SPCS2: variants seen among roughly 807,000 people sequenced by gnomAD.
The protein encoded by SPCS2 is signal peptidase complex subunit 2, also known as SPase 25 kDa subunit.
Under a neutral mutation model 22.3 loss-of-function variants are expected in SPCS2, and 3 were observed. That is an observed-to-expected ratio of 0.13 (90% confidence interval 0.06 to 0.35). The LOEUF (loss-of-function observed/expected upper bound fraction) is 0.35, where lower values mean the gene tolerates loss of function less well. Ranked by LOEUF, SPCS2 falls within the 10% of genes least tolerant of loss-of-function variation. SPCS2 has a pLI of 1.00. For missense variants in SPCS2, 169 were observed against 280.9 expected (o/e 0.60, Z 2.85); for synonymous variants, 67 against 97.2 (o/e 0.69, Z 1.83).
intron 3 of SPCS2, among the ~76,000 whole-genome samples, chr11:74,969,080 A>G (rs1183229810): frequency 6.6e-6 from 1 of 152,218 alleles, no homozygotes; most frequent in African/African-American, 2.4e-5. Flanking sequence ...ACAATATAAT[A>G]ATAAGTCTAT....
intron 1 of SPCS2, among the ~76,000 whole-genome samples, chr11:74,949,930 C>G (rs547548461): frequency 6.6e-6 from 1 of 152,240 alleles, no homozygotes; most frequent in South Asian, 2.1e-4. Context: ...TGACAAGAAG[C>G]CTTTAAGATT....
At position 74,977,023 on chromosome 11, in the gene SPCS2, A is replaced by G; in HGVS notation, c.661A>G (p.Ile221Val). The change falls in exon 5 of 5, where the codon ATA becomes GTA. Residue 221 changes from isoleucine (I) to valine (V), a missense_variant. Physicochemically the swap from Ile to Val is conservative, Grantham distance 29. Transcript: ENST00000263672. ...EISRLHDSLAIERKIK is the reference protein window; with the variant it reads ...EISRLHDSLAVERKIK ...ATCCAGGCTCCATGACAGTCTTGCC[A>G]TAGAAAGAAAAATAAAGTAGCCAAT... The G allele has an allele frequency of 6.6e-7, 1 of 1,505,852 alleles. No individual in the cohort carries two copies. The highest frequency in any genetic ancestry group is 8.9e-7 in the Non-Finnish European group (1 of 1,121,278). The allele number at this position is 1,505,852 out of a possible 1,614,324, so 93.3% of individuals were successfully genotyped here.
At chr11:74,966,068 A>G in intron 3 of SPCS2, 145 bp downstream of exon 3, 1 of 704,066 alleles carries the variant, frequency 1.4e-6, no homozygotes, top group Non-Finnish European at 2.4e-6. Context: ...ATGTTTATAT[A>G]GTAAATATCT....
chr11:74,955,873 T>TATATATATATATATATATATATATATAC (rs1948476030), intron 1 of SPCS2, among the ~76,000 whole-genome samples: 1 of 117,956 alleles, frequency 8.5e-6, no homozygotes, highest in Admixed American at 8.8e-5. Context: ...TATATATATA[T>TATATATATATATATATATATATATATAC]ATATATATAT....
At chr11:74,967,264 A>G (rs1480046430) in intron 3 of SPCS2, among the ~76,000 whole-genome samples, 1 of 152,254 alleles carries the variant, frequency 6.6e-6, no homozygotes, top group Admixed American at 6.5e-5. Flanking sequence ...ATAATATTCC[A>G]TAGGTTCTAG....
intron 1 of SPCS2, among the ~76,000 whole-genome samples, chr11:74,951,322 G>A (rs189435578): frequency 1.3e-3 from 199 of 152,292 alleles, no homozygotes; most frequent in African/African-American, 4.7e-3. Flanking sequence ...TACCTGTAGT[G>A]TCCAGTACAG....
chr11:74,960,677 A>G lies in SPCS2; in HGVS notation c.115-4357A>G, dbSNP rs146168808. ...AAGCAGTGTAGAATAATGAGAGAGC[A>G]TGGGTTTTGAGTCCTGGCTTTACCA... On this transcript the variant is annotated intron_variant, in intron 1 of 4. Coordinates refer to ENST00000263672, the MANE Select transcript of SPCS2 (RefSeq NM_014752.3). Among the ~76,000 whole-genome samples the G allele has an allele frequency of 3.0e-3, 450 of 152,206 alleles. 1 individual carries two copies. The highest frequency in any genetic ancestry group is 0.01 in the African/African-American group (430 of 41,528).
In SPCS2 at chr11:74,965,047, A is replaced by G. The variant is rs935779417; in HGVS notation, c.128A>G (p.Asp43Gly). 9 of 1,550,600 alleles carry G rather than the reference A, an allele frequency of 5.8e-6. No homozygotes were observed. Among genetic ancestry groups the G allele is most frequent in the Non-Finnish European group, 7.9e-6 (9 of 1,146,180 alleles). The change falls in exon 2 of 5, where the codon GAT becomes GGT. Residue 43 changes from aspartate to glycine, a missense_variant. This residue lies in a region of SPCS2 where 118 missense variants were observed against 243.1 expected (regional missense o/e 0.49). Transcript: ENST00000263672. ...TTTGTTTTACAGTGGAAGATAGATGATAAGCCTGTAAAAATTGACAAGTGG... is the reference window on the plus strand; with the variant it reads ...TTTGTTTTACAGTGGAAGATAGATGGTAAGCCTGTAAAAATTGACAAGTGG... ...SGLLDKWKID[D>G]KPVKIDKWDG...
At chr11:74,972,714 C>G (rs1948591788) in intron 4 of SPCS2, among the ~76,000 whole-genome samples, 1 of 151,492 alleles carries the variant, frequency 6.6e-6, no homozygotes, top group African/African-American at 2.4e-5. Context: ...ATGAACATTC[C>G]CTTCTCTTTT....
At position 74,968,584 on chromosome 11, in the gene SPCS2, C is replaced by T. The variant is rs181624183; in HGVS notation, c.360-981C>T. On this transcript the variant is annotated intron_variant, in intron 3 of 4. Transcript: ENST00000263672. ...AGGCTGGAGCACAGTGGCACGATCTCGGCTCACTGCAACCCTGCAACCTCT... is the reference window on the plus strand; with the variant it reads ...AGGCTGGAGCACAGTGGCACGATCTTGGCTCACTGCAACCCTGCAACCTCT... Among the ~76,000 whole-genome samples, 326 of 150,242 alleles carry T rather than the reference C, an allele frequency of 2.2e-3. 2 individuals are homozygous for T. The highest frequency in any genetic ancestry group is 6.8e-3 in the African/African-American group (276 of 40,786).
chr11:74,963,746 A>G (rs1948528349), intron 1 of SPCS2: 1 of 213,710 alleles, frequency 4.7e-6, no homozygotes, highest in African/African-American at 2.4e-5. Flanking sequence ...CTTGTGCTCA[A>G]TCCGAAAGAT....
chr11:74,964,969 G>C (rs532430262), intron 1 of SPCS2, 65 bp from the exon 2 acceptor site: 1 of 1,054,878 alleles, frequency 9.5e-7, no homozygotes, highest in Non-Finnish European at 1.4e-6. Context: ...CTTAAAAAAT[G>C]GTTCATTTTA....
intron 1 of SPCS2, among the ~76,000 whole-genome samples, chr11:74,962,045 C>G (rs968314362): frequency 2.0e-5 from 3 of 152,148 alleles, no homozygotes; most frequent in African/African-American, 4.8e-5. Context: ...TCTTTGAACT[C>G]TAGTTTTCTA....
chr11:74,949,424 GTTGAA>G, intron 1 of SPCS2, 25 bp downstream of exon 1: 1 of 1,544,880 alleles, frequency 6.5e-7, no homozygotes, highest in East Asian at 2.4e-5. Flanking sequence ...CTTGGGAACA[GTTGAA>G]TCCTGGGGAG....
At chr11:74,949,806 G>A (rs548136438) in intron 1 of SPCS2, among the ~76,000 whole-genome samples, 21 of 152,234 alleles carry the variant, frequency 1.4e-4, no homozygotes, top group African/African-American at 4.8e-4. Flanking sequence ...TCACCCTTGC[G>A]TGCTGCTACA....
At chr11:74,968,961 G>A (rs1314752075) in intron 3 of SPCS2, among the ~76,000 whole-genome samples, 1 of 152,172 alleles carries the variant, frequency 6.6e-6, no homozygotes, top group Non-Finnish European at 1.5e-5. Flanking sequence ...GAGCCATCGT[G>A]CCCAGCCTTG....
chr11:74,963,455 T>TA (rs954337679), intron 1 of SPCS2: 2,444 of 288,820 alleles, frequency 8.5e-3, no homozygotes, highest in South Asian at 0.014. Flanking sequence ...GAATCACAGT[T>TA]AAAAAAAAAA....
At chr11:74,971,712 A>G (rs1948585615) in intron 4 of SPCS2, among the ~76,000 whole-genome samples, 1 of 152,224 alleles carries the variant, frequency 6.6e-6, no homozygotes, top group Non-Finnish European at 1.5e-5. Flanking sequence ...TGCCACGTGC[A>G]GACAACACAA....
chr11:74,954,938 A>G (rs1490597726), intron 1 of SPCS2, among the ~76,000 whole-genome samples: 2 of 152,220 alleles, frequency 1.3e-5, no homozygotes, highest in African/African-American at 4.8e-5. Flanking sequence ...TCCATAGAAG[A>G]CGTACGAATG....
Sources: gnomAD v4.1 joint callset for allele counts (sites outside exome capture counted in the v4.1 genomes callset) on GRCh38, gnomAD v4.1.1 for gene constraint, gnomAD v4.1.1 regional missense constraint, MANE v1.5 for transcripts, NCBI Gene and HGNC (gene_info 2026-07-23, HGNC 2026-07-21) for gene names.